The following RASGRP3 variants were observed in gnomAD, a reference collection of about 807,000 sequenced individuals.
RASGRP3 encodes RAS guanyl releasing protein 3, also known as ras guanyl-releasing protein 3.
In RASGRP3, 54 loss-of-function variants were observed where a neutral mutation model predicts 82.7. The ratio of observed to expected loss-of-function variants is 0.65; its 90% CI spans 0.52 to 0.82. The LOEUF is 0.82. RASGRP3 is among the 40% of genes least tolerant of loss of function. The pLI is 0.00. For synonymous variants in RASGRP3, 309 were observed against 300.5 expected (o/e 1.03, Z -0.29); for missense variants, 861 against 828.9 (o/e 1.04, Z -0.48).
chr2:33,480,112 G>A (rs1019915566), intron 1 of RASGRP3, among the ~76,000 whole-genome samples: 2 of 142,276 alleles, frequency 1.4e-5, no homozygotes, highest in African/African-American at 5.3e-5. Flanking sequence ...GTGAGATCTC[G>A]GCTCACTGCA....
chr2:33,455,375 A>C (rs1295941207), intron 2 of RASGRP3, among the ~76,000 whole-genome samples: 1 of 152,228 alleles, frequency 6.6e-6, no homozygotes, highest in African/African-American at 2.4e-5. Flanking sequence ...GATGTATAAG[A>C]AGCCACATCT....
chr2:33,509,371 C>A (rs1192671454), intron 1 of RASGRP3, among the ~76,000 whole-genome samples: 3 of 151,594 alleles, frequency 2.0e-5, no homozygotes, highest in Admixed American at 1.3e-4. Flanking sequence ...CACTGCACTC[C>A]AGCCTGGGCA....
chr2:33,502,076 G>A (rs551197740), intron 1 of RASGRP3, among the ~76,000 whole-genome samples: 5 of 152,328 alleles, frequency 3.3e-5, no homozygotes, highest in African/African-American at 1.2e-4. Context: ...CTACTTGGCT[G>A]TGAGGGATGG....
chr2:33,440,478 C>A (rs1665166129), intron 1 of RASGRP3, among the ~76,000 whole-genome samples: 1 of 152,198 alleles, frequency 6.6e-6, no homozygotes, highest in Admixed American at 6.5e-5. Flanking sequence ...AATGTTGAGC[C>A]TCTGGCTCTA....
chr2:33,486,086 C>G (rs1432810079), intron 1 of RASGRP3, among the ~76,000 whole-genome samples: 1 of 152,068 alleles, frequency 6.6e-6, no homozygotes, highest in Non-Finnish European at 1.5e-5. Flanking sequence ...AAGTAAGGGA[C>G]AACATCCAGA....
chr2:33,559,514 G>T, intron 17 of RASGRP3: 1 of 444,868 alleles, frequency 2.2e-6, no homozygotes, highest in Middle Eastern at 3.5e-4. Flanking sequence ...TCAGAGATAC[G>T]AGGCCCTTGA....
chr2:33,524,452 T>C lies in RASGRP3; in HGVS notation c.711T>C (p.Asn237=), dbSNP rs1303486142. The C allele has an allele frequency of 6.3e-7, 1 of 1,599,422 alleles. No individual in the cohort carries two copies. Among genetic ancestry groups the C allele is most frequent in the Non-Finnish European group, 8.5e-7 (1 of 1,173,188 alleles). The change falls in exon 9 of 18, where the codon AAT becomes AAC. Residue 237 remains asparagine, a synonymous_variant. Coordinates refer to ENST00000403687, the MANE Select transcript of RASGRP3 (RefSeq NM_001139488.2). The part of the protein sequence containing the change: ...NVAKKLLQLK[N]FNTLMAVVGG... ...TGCAGAAGCTCCTTCAGCTCAAAAATTTTAACACCCTGATGGCAGTGGTGG... is the reference window on the plus strand; with the variant it reads ...TGCAGAAGCTCCTTCAGCTCAAAAACTTTAACACCCTGATGGCAGTGGTGG...
chr2:33,463,713 C>T (rs1666511599), intron 2 of RASGRP3, among the ~76,000 whole-genome samples: 1 of 151,384 alleles, frequency 6.6e-6, no homozygotes, highest in Admixed American at 6.6e-5. Context: ...ATTCTCCTGC[C>T]TCAGCCTCCC....
chr2:33,550,741 G>A (rs113825000), intron 14 of RASGRP3, among the ~76,000 whole-genome samples: 2,780 of 152,184 alleles, frequency 0.018, 96 homozygotes, highest in African/African-American at 0.063. Context: ...ATTTGTTGCC[G>A]ATATTATACG....
At chr2:33,454,940 A>C (rs66661717) in intron 2 of RASGRP3, among the ~76,000 whole-genome samples, 334 of 152,316 alleles carry the variant, frequency 2.2e-3, no homozygotes, top group Middle Eastern at 0.01. Flanking sequence ...TTATTCCTGG[A>C]ATACTCAAAT....
At chr2:33,519,431 A>G (rs1019496433) in intron 4 of RASGRP3, among the ~76,000 whole-genome samples, 3 of 152,246 alleles carry the variant, frequency 2.0e-5, no homozygotes, top group Middle Eastern at 3.4e-3. Flanking sequence ...CCTGGCTAAC[A>G]CGGCGAAACC....
At chr2:33,466,342 A>C (rs1311714521) in intron 2 of RASGRP3, among the ~76,000 whole-genome samples, 2 of 152,184 alleles carry the variant, frequency 1.3e-5, no homozygotes, top group East Asian at 1.9e-4. Flanking sequence ...GTTTGAAAGA[A>C]GTTTACCCCA....
chr2:33,535,777 A>G lies in RASGRP3; in HGVS notation c.1161+1377A>G, dbSNP rs542282731. 4.6e-5 allele frequency among the ~76,000 whole-genome samples: 7 copies of G among 152,378 alleles called. No individual in the cohort carries two copies. The East Asian group carries it at 1.3e-3, about 29-fold the overall frequency. On this transcript the variant is annotated intron_variant, in intron 11 of 17. Transcript: ENST00000403687. ...CAGACTCTTTAAAGCTAGCAAGAGT[A>G]AGAAAGCTAGCAAGAAAGCCAAAGC...
chr2:33,526,362 T>A (rs1291135026), intron 9 of RASGRP3, among the ~76,000 whole-genome samples: 1 of 152,226 alleles, frequency 6.6e-6, no homozygotes, highest in South Asian at 2.1e-4. Flanking sequence ...CGATAACTTG[T>A]CCATATAAAC....
intron 1 of RASGRP3, among the ~76,000 whole-genome samples, chr2:33,501,087 C>T (rs1200878206): frequency 6.6e-6 from 1 of 152,210 alleles, no homozygotes; most frequent in Non-Finnish European, 1.5e-5. Flanking sequence ...TTCCTGCCTT[C>T]CCTCAGTGCC....
intron 1 of RASGRP3, chr2:33,481,674 T>G (rs895040565): frequency 2.0e-5 from 3 of 152,192 alleles, no homozygotes; most frequent in African/African-American, 7.2e-5. Context: ...GTCAGCTTAG[T>G]CTTCAGACAC....
rs369191574 is a variant in RASGRP3, at chr2:33,558,758, T to C, written c.1792T>C (p.Ser598Pro). The C allele has an allele frequency of 1.9e-5, 30 of 1,613,808 alleles. No individual in the cohort carries two copies. The African/African-American group carries it at 3.1e-4, about 17-fold the overall frequency. ...SRAITLVTGS[S>P]RKISVRLQRA... is the part of the protein sequence containing the mutation. ...AGCCATCACACTGGTTACAGGCTCT[T>C]CTCGCAAGATCTCTGTGAGGCTACA... Residue 598 changes from serine (S) to proline (P), a missense_variant, in exon 17 of 18, where the codon TCT (serine) becomes CCT (proline). Physicochemically the swap from Ser to Pro is moderately conservative, Grantham distance 74. Coordinates refer to ENST00000403687, the MANE Select transcript of RASGRP3 (RefSeq NM_001139488.2).
chr2:33,506,404 C>T (rs1670383951), intron 1 of RASGRP3, among the ~76,000 whole-genome samples: 1 of 152,180 alleles, frequency 6.6e-6, no homozygotes, highest in African/African-American at 2.4e-5. Context: ...CTTCTTTAGG[C>T]CTCAATTTCC....
chr2:33,503,847 G>A (rs972894110), intron 1 of RASGRP3, among the ~76,000 whole-genome samples: 2 of 152,032 alleles, frequency 1.3e-5, no homozygotes, highest in Non-Finnish European at 2.9e-5. Context: ...AAATGGTAAA[G>A]GAAATCTATT....
Sources: allele counts gnomAD v4.1 joint callset (sites outside exome capture counted in the v4.1 genomes callset), GRCh38; gene constraint gnomAD v4.1.1; transcripts MANE v1.5; gene names NCBI Gene and HGNC (gene_info 2026-07-23, HGNC 2026-07-21).